The following GCNT2 variants were observed in gnomAD, a reference collection of about 807,000 sequenced individuals.
GCNT2 encodes glucosaminyl (N-acetyl) transferase 2 (I blood group), also known as N-acetyllactosaminide beta-1,6-N-acetylglucosaminyl-transferase.
Under a neutral mutation model 34.2 loss-of-function variants are expected in GCNT2, and 34 were observed. The ratio of observed to expected loss-of-function variants is 1.00; its 90% CI spans 0.76 to 1.32. The LOEUF (loss-of-function observed/expected upper bound fraction) is 1.32, where lower values mean the gene tolerates loss of function less well. Ranked by LOEUF, GCNT2 falls within the 40% of genes most tolerant of loss-of-function variation. GCNT2 has a pLI of 0.00. For missense variants in GCNT2, 584 were observed against 489.4 expected, an observed-to-expected ratio of 1.19 and a Z score of -1.82; for synonymous variants, 212 against 188.0, an observed-to-expected ratio of 1.13 and a Z score of -1.04.
chr6:10,579,132 A>C (rs1013409492), intron 3 of GCNT2, among the ~76,000 whole-genome samples: 1 of 152,114 alleles, frequency 6.6e-6, no homozygotes, highest in African/African-American at 2.4e-5. Flanking sequence ...TGTGATTGTC[A>C]TGTACTCTGC....
Position 10,626,709 on chromosome 6 carries a change from C to T in GCNT2, c.*102C>T, listed in dbSNP as rs936715137. ...CTTCGTAATGTTAACCGTTTCAGGA[C>T]CACGTTTATAGCTTCAGGACCTGGC... is the stretch of plus-strand genomic sequence containing the variant. On this transcript the variant is annotated 3_prime_UTR_variant, in exon 5 of 5. Transcript: ENST00000495262. 8 of 815,438 alleles carry T rather than the reference C, an allele frequency of 9.8e-6. No individual in the cohort carries two copies. Among genetic ancestry groups the T allele is most frequent in the East Asian group, 7.6e-5 (3 of 39,358 alleles). The allele number at this position is 815,438 out of a possible 1,614,324, so 50.5% of individuals were successfully genotyped here.
chr6:10,564,116 G>C (rs2127388729), intron 3 of GCNT2, among the ~76,000 whole-genome samples: 1 of 152,226 alleles, frequency 6.6e-6, no homozygotes, highest in Non-Finnish European at 1.5e-5. Context: ...GTGCAGGAAA[G>C]ATGAAGGCAA....
intron 3 of GCNT2, among the ~76,000 whole-genome samples, chr6:10,588,322 C>T (rs1352886279): frequency 4.6e-5 from 7 of 152,160 alleles, no homozygotes; most frequent in South Asian, 2.1e-4. Flanking sequence ...ATACTGCATG[C>T]GTGGCATTTA....
At chr6:10,582,813 C>T (rs951678389) in intron 3 of GCNT2, among the ~76,000 whole-genome samples, 2 of 151,606 alleles carry the variant, frequency 1.3e-5, no homozygotes, top group South Asian at 4.2e-4. Flanking sequence ...GAAACAACAA[C>T]AACAACAATC....
chr6:10,570,070 G>T (rs1763489288), intron 3 of GCNT2, among the ~76,000 whole-genome samples: 1 of 151,952 alleles, frequency 6.6e-6, no homozygotes, highest in South Asian at 2.1e-4. Flanking sequence ...CCAGGCTCAT[G>T]CGTTCCTCCC....
At chr6:10,595,850 A>G (rs77683056) in intron 3 of GCNT2, among the ~76,000 whole-genome samples, 2,156 of 152,330 alleles carry the variant, frequency 0.014, 55 homozygotes, top group African/African-American at 0.049. Context: ...AAACACACAC[A>G]ACAGTGCAGA....
chr6:10,542,901 T>TC (rs1481384603), intron 3 of GCNT2, among the ~76,000 whole-genome samples: 2 of 143,828 alleles, frequency 1.4e-5, no homozygotes, highest in South Asian at 4.3e-4. Context: ...TTCTTTTTTT[T>TC]TTTTTTTTTT....
intron 3 of GCNT2, among the ~76,000 whole-genome samples, chr6:10,612,678 C>A (rs968798596): frequency 3.9e-5 from 6 of 152,190 alleles, no homozygotes; most frequent in Non-Finnish European, 5.9e-5. Context: ...ATTTAGCCCT[C>A]CCAAAACCCT....
At chr6:10,579,844 A>C (rs1223835220) in intron 3 of GCNT2, among the ~76,000 whole-genome samples, 3 of 145,006 alleles carry the variant, frequency 2.1e-5, no homozygotes, top group Non-Finnish European at 4.6e-5. Flanking sequence ...AAAAAAAAAA[A>C]AAAACAAGTA....
chr6:10,601,795 G>A (rs1450032338), intron 3 of GCNT2, among the ~76,000 whole-genome samples: 5 of 152,006 alleles, frequency 3.3e-5, no homozygotes, highest in Non-Finnish European at 7.4e-5. Flanking sequence ...ACAAAAATTA[G>A]CCGGGCGTGG....
rs1204694980 is a variant in GCNT2, at chr6:10,627,521, A to T, written c.*914A>T. On this transcript the variant is annotated 3_prime_UTR_variant, in exon 5 of 5. Coordinates refer to ENST00000495262, the MANE Select transcript of GCNT2 (RefSeq NM_145649.5). ...ACCATAGTATGCTCTGAGTAGCTTT[A>T]CACTGCCTGGTACTGATAGTAGTGG... is the stretch of plus-strand genomic sequence containing the variant. 6.6e-6 allele frequency: 1 copy of T among 152,200 alleles called. No homozygotes were observed. Among genetic ancestry groups the T allele is most frequent in the Non-Finnish European group, 1.5e-5 (1 of 68,028 alleles). 9.4% of individuals were successfully genotyped at this position (152,200 alleles called of 1,614,324 possible). A position where few individuals can be genotyped will look rare whatever the true frequency, so the allele number is the denominator to read the frequency against.
chr6:10,604,110 T>C (rs1425849477), intron 3 of GCNT2, among the ~76,000 whole-genome samples: 4 of 152,070 alleles, frequency 2.6e-5, no homozygotes, highest in East Asian at 3.9e-4. Flanking sequence ...TTGGCCAGCA[T>C]GGTCTCGATC....
intron 3 of GCNT2, among the ~76,000 whole-genome samples, chr6:10,555,331 T>C (rs1455281067): frequency 6.6e-6 from 1 of 152,136 alleles, no homozygotes; most frequent in Non-Finnish European, 1.5e-5. Flanking sequence ...GTAAAACAGC[T>C]TCATACTCCT....
At chr6:10,597,011 T>C (rs906125266) in intron 3 of GCNT2, among the ~76,000 whole-genome samples, 8 of 152,186 alleles carry the variant, frequency 5.3e-5, no homozygotes, top group Non-Finnish European at 7.4e-5. Flanking sequence ...ACAGATCTTT[T>C]GAATCCTAGG....
At chr6:10,582,374 T>TAA (rs1764140556) in intron 3 of GCNT2, among the ~76,000 whole-genome samples, 1 of 94,120 alleles carries the variant, frequency 1.1e-5, no homozygotes, top group African/African-American at 4.0e-5. Flanking sequence ...ATATATACTA[T>TAA]AATTTAATAT....
chr6:10,588,533 C>T (rs1316072649), intron 3 of GCNT2, among the ~76,000 whole-genome samples: 1 of 152,134 alleles, frequency 6.6e-6, no homozygotes, highest in African/African-American at 2.4e-5. Flanking sequence ...AAGTGTGAGC[C>T]GTTTCTCTTG....
chr6:10,556,087 A>G, intron 3 of GCNT2: 1 of 1,207,160 alleles, frequency 8.3e-7, no homozygotes, highest in South Asian at 1.8e-5. Context: ...GGGAAACTAA[A>G]TCTGCCGGGG....
At chr6:10,537,726 AC>A (rs56350621) in intron 3 of GCNT2, among the ~76,000 whole-genome samples, 1,413 of 108,786 alleles carry the variant, frequency 0.013, 70 homozygotes, top group Non-Finnish European at 0.017. Context: ...AAAAAAAAAA[AC>A]AAAACAAAGA....
chr6:10,563,725 G>A (rs1161563196), intron 3 of GCNT2, among the ~76,000 whole-genome samples: 1 of 133,180 alleles, frequency 7.5e-6, no homozygotes, highest in Non-Finnish European at 1.5e-5. Flanking sequence ...CTGGGTGACA[G>A]AGTGAGACTC....
Sources: gnomAD v4.1 joint callset for allele counts (sites outside exome capture counted in the v4.1 genomes callset) on GRCh38, gnomAD v4.1.1 for gene constraint, MANE v1.5 for transcripts, NCBI Gene and HGNC (gene_info 2026-07-23, HGNC 2026-07-21) for gene names.